The following PPP2R3B variants were observed in gnomAD, a reference collection of about 807,000 sequenced individuals.
The protein encoded by PPP2R3B is protein phosphatase 2 regulatory subunit B''beta, also known as serine/threonine-protein phosphatase 2A regulatory subunit B'' subunit beta.
Under a neutral mutation model 72.9 loss-of-function variants are expected in PPP2R3B, and 68 were observed. The ratio of observed to expected loss-of-function variants is 0.93; its 90% CI spans 0.77 to 1.14. The LOEUF (loss-of-function observed/expected upper bound fraction) is 1.14. PPP2R3B is among the 50% of genes most tolerant of loss of function. The probability of loss-of-function intolerance (pLI) is 0.00; values close to 1 mark genes in which losing one functional copy is unlikely to be tolerated. For missense variants in PPP2R3B, 1,018 were observed against 842.0 expected, an observed-to-expected ratio of 1.21 and a Z score of -2.59; for synonymous variants, 466 against 375.8, an observed-to-expected ratio of 1.24 and a Z score of -2.78.
chrX:341,946 G>C lies in PPP2R3B; in HGVS notation c.1037-15C>G. ...GGTAGAAAGGGCTGGAAAGGAATGC[G>C]GTTGATGGGCAGCCCGCACCGTGCC... On this transcript the variant is annotated splice_polypyrimidine_tract_variant and intron_variant, in intron 7 of 12. Coordinates refer to ENST00000390665, the MANE Select transcript of PPP2R3B (RefSeq NM_013239.5). 6.2e-7 allele frequency: 1 copy of C among 1,612,592 alleles called. No homozygotes were observed. Among genetic ancestry groups the C allele is most frequent in the Non-Finnish European group, 8.5e-7 (1 of 1,179,724 alleles).
intron 1 of PPP2R3B, 87 bp downstream of exon 1, chrX:386,281 G>T: frequency 3.5e-6 from 4 of 1,134,902 alleles, no homozygotes; most frequent in South Asian, 4.3e-5. Flanking sequence ...TCTGACGCTC[G>T]CCCACCAGCC....
At chrX:366,511 C>T (rs867185800) in intron 1 of PPP2R3B, among the ~76,000 whole-genome samples, 1 of 3,722 alleles carries the variant, frequency 2.7e-4, no homozygotes, top group Admixed American at 2.4e-3. Context: ...CCAGCCTGGG[C>T]GACAGAGTGA....
rs775245538 is a variant in PPP2R3B at position 341,923 on chromosome X, T to G, written c.1045A>C (p.Thr349Pro). The change falls in exon 8 of 13, where the codon ACC (threonine) becomes CCC (proline). Residue 349 changes from threonine (T) to proline (P), a missense_variant. Thr to Pro is a conservative substitution (Grantham distance 38, BLOSUM62 -1). Transcript: ENST00000390665. Reference sequence around the variant, plus strand: ...GAGAAGATCCTGTCTATCATCTTGGTAGAAAGGGCTGGAAAGGAATGCGGT... The same window carrying G: ...GAGAAGATCCTGTCTATCATCTTGGGAGAAAGGGCTGGAAAGGAATGCGGT... ...LARHNDHALSTKMIDRIFSGA... is the reference protein window; with the variant it reads ...LARHNDHALSPKMIDRIFSGA... 5.6e-6 allele frequency: 9 copies of G among 1,612,500 alleles called. No homozygotes were observed. The highest frequency in any genetic ancestry group is 6.8e-6 in the Non-Finnish European group (8 of 1,179,740).
chrX:344,217 T>TGAGACCTCACCAACGGGAGGCGGGAG (rs1569383539), intron 7 of PPP2R3B, among the ~76,000 whole-genome samples: 1 of 19,130 alleles, frequency 5.2e-5, no homozygotes, highest in African/African-American at 2.1e-4. Context: ...GGAGGCGGGA[T>TGAGACCTCACCAACGGGAGGCGGGAG]TGAGACCTCA....
At chrX:346,550 G>T (rs1449471168) in intron 5 of PPP2R3B, 151 bp downstream of exon 5, 7 of 743,540 alleles carry the variant, frequency 9.4e-6, no homozygotes, top group South Asian at 3.7e-5. Context: ...GCTCCCGGGC[G>T]GGTGGAGACT....
rs1556105578 is a variant in PPP2R3B, at chrX:339,273, G to GGT, written c.1352-378_1352-377insAC. Among the ~76,000 whole-genome samples, 6 of 9,656 alleles carry GGT rather than the reference G, an allele frequency of 6.2e-4. 1 individual carries two copies. The highest frequency in any genetic ancestry group is 2.9e-4 in the Non-Finnish European group (1 of 3,418). 6.3% of individuals were successfully genotyped at this position (9,656 alleles called of 152,430 possible). ...GAGCAGCAGGAGGCGCCCCATGGCC[G>GGT]GGGGGGGCAGGGCTGCAGGGCGGTG... On this transcript the variant is annotated intron_variant, in intron 10 of 12. Coordinates refer to ENST00000390665, the MANE Select transcript of PPP2R3B (RefSeq NM_013239.5).
rs1185994887 is a variant in PPP2R3B, at chrX:386,494, G to A, written c.198C>T (p.Pro66=). 10 of 1,291,306 alleles carry A rather than the reference G, an allele frequency of 7.7e-6. No homozygotes were observed. The South Asian group carries it at 1.8e-4, about 24-fold the overall frequency. The allele number at this position is 1,291,306 out of a possible 1,614,324, so 80.0% of individuals were successfully genotyped here. The change falls in exon 1 of 13, where the codon CCC becomes CCT. Residue 66 remains proline (P), a synonymous_variant. Transcript: ENST00000390665. ...GAWPTAPLAA[P]RPSGLEPPGT... The stretch of plus-strand genomic sequence containing the variant: ...CCGGGGGTTCGAGCCCGCTGGGCCG[G>A]GGGGCGGCGAGCGGGGCTGTGGGCC...
intron 2 of PPP2R3B, among the ~76,000 whole-genome samples, chrX:349,388 T>A (rs1301190017): frequency 2.6e-5 from 4 of 151,888 alleles, no homozygotes; most frequent in Non-Finnish European, 5.9e-5. Flanking sequence ...GACAGCAGCC[T>A]GAATGCTCAG....
chrX:370,254 C>G (rs1443169189), intron 1 of PPP2R3B, among the ~76,000 whole-genome samples: 2 of 152,194 alleles, frequency 1.3e-5, no homozygotes, highest in African/African-American at 4.8e-5. Context: ...AGAAACGCAG[C>G]AGGTGCAGGT....
chrX:346,144 G>C, intron 6 of PPP2R3B, 30 bp downstream of exon 6: 1 of 1,515,634 alleles, frequency 6.6e-7, no homozygotes, highest in Non-Finnish European at 8.8e-7. Flanking sequence ...GGACAAGGCA[G>C]GGGGCAGGGG....
chrX:346,269 G>A lies in PPP2R3B; in HGVS notation c.793-9C>T. 1.9e-6 allele frequency: 3 copies of A among 1,560,902 alleles called. No individual in the cohort carries two copies. Among genetic ancestry groups the A allele is most frequent in the Non-Finnish European group, 2.6e-6 (3 of 1,154,422 alleles). On this transcript the variant is annotated splice_polypyrimidine_tract_variant and intron_variant, in intron 5 of 12. Coordinates refer to ENST00000390665, the MANE Select transcript of PPP2R3B (RefSeq NM_013239.5). ...AAGATCCGCTGGATGACCTGCGGGGGCGCTGTCAGTGCGGTGGGTGCGCAG... is the reference window on the plus strand; with the variant it reads ...AAGATCCGCTGGATGACCTGCGGGGACGCTGTCAGTGCGGTGGGTGCGCAG...
Position 341,881 on chromosome X carries a change from A to C in PPP2R3B, c.1085+2T>G. On this transcript the variant is annotated splice_donor_variant, in intron 8 of 12. Transcript: ENST00000390665. LOFTEE classifies it high-confidence loss of function. The stretch of plus-strand genomic sequence containing the variant: ...GCCGTCAGGCGCCTGAGCCGTACGT[A>C]CCGTGTGACTGCTCCTGAGAAGATC... The C allele has an allele frequency of 1.2e-6, 2 of 1,612,640 alleles. No homozygotes were observed. The highest frequency in any genetic ancestry group is 1.7e-6 in the Non-Finnish European group (2 of 1,179,738).
chrX:348,711 C>A (rs1265005131), intron 2 of PPP2R3B, among the ~76,000 whole-genome samples: 1 of 152,062 alleles, frequency 6.6e-6, no homozygotes, highest in African/African-American at 2.4e-5. Context: ...ATGAACAAGT[C>A]AAAAAATAAA....
intron 7 of PPP2R3B, chrX:345,220 G>A: frequency 1.6e-6 from 1 of 639,858 alleles, no homozygotes; most frequent in Non-Finnish European, 2.9e-6. Context: ...TAACAAGGAA[G>A]CCCCACAGCG....
chrX:364,496 T>G (rs2071643965), intron 1 of PPP2R3B, among the ~76,000 whole-genome samples: 1 of 125,844 alleles, frequency 7.9e-6, no homozygotes, highest in Non-Finnish European at 1.6e-5. Flanking sequence ...TGGCAAAACT[T>G]CATCTCTACT....
intron 3 of PPP2R3B, 114 bp from the exon 4 acceptor site, chrX:347,450 A>G: frequency 7.4e-7 from 1 of 1,342,726 alleles, no homozygotes; most frequent in Non-Finnish European, 1.1e-6. Context: ...AGGTGGCCAC[A>G]CACGACGGCC....
chrX:345,246 C>G (rs1266847603), intron 7 of PPP2R3B: 1 of 675,774 alleles, frequency 1.5e-6, no homozygotes, highest in Non-Finnish European at 2.7e-6. Context: ...GGCCCTCGGG[C>G]CAGGAGCTTC....
At chrX:380,007 G>A (rs1380224283) in intron 1 of PPP2R3B, among the ~76,000 whole-genome samples, 2 of 152,088 alleles carry the variant, frequency 1.3e-5, no homozygotes, top group African/African-American at 4.8e-5. Flanking sequence ...TTCCACGGGG[G>A]GAGAAAAGAC....
chrX:377,567 A>G (rs1175793433), intron 1 of PPP2R3B, among the ~76,000 whole-genome samples: 2 of 107,728 alleles, frequency 1.9e-5, no homozygotes, highest in Non-Finnish European at 1.9e-5. Flanking sequence ...TGGGGCCACC[A>G]TGGGGCTGTC....
Sources: gnomAD v4.1 joint callset for allele counts (sites outside exome capture counted in the v4.1 genomes callset) on GRCh38, gnomAD v4.1.1 for gene constraint, MANE v1.5 for transcripts, NCBI Gene and HGNC (gene_info 2026-07-23, HGNC 2026-07-21) for gene names.